Variants in STK32A observed in about 807,000 individuals in gnomAD.
The protein encoded by STK32A is serine/threonine kinase 32A, also known as serine/threonine-protein kinase 32A.
In STK32A, 41 loss-of-function variants were observed where a neutral mutation model predicts 53.2. That is an observed-to-expected ratio of 0.77 (90% CI 0.60 to 1.00). The LOEUF is 1.00. Ranked by LOEUF, STK32A falls within the 50% of genes least tolerant of loss-of-function variation. The pLI is 0.00. For missense variants in STK32A, 458 were observed against 485.8 expected (o/e 0.94, Z 0.54); for synonymous variants, 166 against 162.8 (o/e 1.02, Z -0.15).
At chr5:147,392,225 A>C (rs1251641244), downstream of STK32A, 1 of 152,206 alleles carries the variant, frequency 6.6e-6, no homozygotes, top group Non-Finnish European at 1.5e-5. Context: ...ATCTCCCTTA[A>C]AAGAAAAGCA....
At chr5:147,376,452 G>A (rs1035280351) in intron 11 of STK32A, among the ~76,000 whole-genome samples, 1 of 152,124 alleles carries the variant, frequency 6.6e-6, no homozygotes, top group South Asian at 2.1e-4. Context: ...GTGGATACAG[G>A]CCTCTCTGAT....
At chr5:147,249,997 G>A (rs1026428456) in intron 2 of STK32A, among the ~76,000 whole-genome samples, 17 of 151,124 alleles carry the variant, frequency 1.1e-4, no homozygotes, top group East Asian at 5.8e-4. Context: ...CAGTGCAGAC[G>A]GAAAGCTGAG....
chr5:147,331,697 A>AAT (rs1457016262), intron 5 of STK32A, among the ~76,000 whole-genome samples: 1 of 152,186 alleles, frequency 6.6e-6, no homozygotes, highest in Non-Finnish European at 1.5e-5. Flanking sequence ...TGTAGGCCCT[A>AAT]ATCCAGTATG....
At chr5:147,399,045 C>G in the STK32A span, 894 of 1,602,320 alleles carry the variant, frequency 5.6e-4, 6 homozygotes, top group East Asian at 6.5e-3. Flanking sequence ...TGCATGCATT[C>G]TCCATTCTAC....
chr5:147,397,997 A>G, the STK32A span: 3 of 728,026 alleles, frequency 4.1e-6, no homozygotes. Context: ...AGTGGGTAGA[A>G]GGCACCGGAG....
intron 2 of STK32A, chr5:147,240,073 A>G (rs1753502357): frequency 1.2e-5 from 2 of 163,794 alleles, no homozygotes; most frequent in African/African-American, 4.8e-5. Flanking sequence ...TCATAATATT[A>G]TAGAATGAAG....
chr5:147,238,512 G>A (rs1753419688), intron 1 of STK32A, among the ~76,000 whole-genome samples: 1 of 152,122 alleles, frequency 6.6e-6, no homozygotes, highest in South Asian at 2.1e-4. Context: ...GTTTTAAAGT[G>A]GAGCAAAGCC....
intron 4 of STK32A, among the ~76,000 whole-genome samples, chr5:147,290,410 G>A (rs1030911146): frequency 6.6e-6 from 1 of 152,096 alleles, no homozygotes; most frequent in Non-Finnish European, 1.5e-5. Context: ...GCCAGACAGG[G>A]CTGGCATCCA....
chr5:147,259,947 C>T (rs1581002111), intron 2 of STK32A, among the ~76,000 whole-genome samples: 1 of 144,596 alleles, frequency 6.9e-6, no homozygotes, highest in African/African-American at 2.6e-5. Context: ...GTCTCTCTCT[C>T]TCTCCTCTCT....
At chr5:147,313,957 G>T (rs1753830079) in intron 4 of STK32A, among the ~76,000 whole-genome samples, 1 of 151,964 alleles carries the variant, frequency 6.6e-6, no homozygotes, top group South Asian at 2.1e-4. Flanking sequence ...AGAACTTAAT[G>T]TATAAAATTC....
At chr5:147,401,681 C>T in the STK32A span, 2 of 1,614,002 alleles carry the variant, frequency 1.2e-6, no homozygotes, top group Non-Finnish European at 1.7e-6. Context: ...GATGGGCTCA[C>T]CAAAGACTAC....
chr5:147,246,647 T>A (rs1210056114), intron 2 of STK32A, among the ~76,000 whole-genome samples: 1 of 152,230 alleles, frequency 6.6e-6, no homozygotes, highest in Non-Finnish European at 1.5e-5. Flanking sequence ...GTTGGAAACA[T>A]CTTTCCATTT....
chr5:147,370,552 T>C (rs1355672862), intron 8 of STK32A, 102 bp from the exon 9 acceptor site: 5 of 683,510 alleles, frequency 7.3e-6, no homozygotes, highest in African/African-American at 5.4e-5. Flanking sequence ...GAAATTGATA[T>C]AGATATTTTA....
chr5:147,264,117 A>AT (rs1282584077), intron 2 of STK32A, among the ~76,000 whole-genome samples: 1 of 151,652 alleles, frequency 6.6e-6, no homozygotes, highest in South Asian at 2.1e-4. Flanking sequence ...CAATAAAAAT[A>AT]TTTTTCATGG....
At chr5:147,353,837 T>C (rs1382003824) in intron 7 of STK32A, among the ~76,000 whole-genome samples, 1 of 152,062 alleles carries the variant, frequency 6.6e-6, no homozygotes, top group Non-Finnish European at 1.5e-5. Flanking sequence ...TTAAAGCAGG[T>C]GATGTGGTGA....
At chr5:147,262,592 ACAAAACAAAAC>A (rs1754629614) in intron 2 of STK32A, among the ~76,000 whole-genome samples, 1 of 151,034 alleles carries the variant, frequency 6.6e-6, no homozygotes, top group Non-Finnish European at 1.5e-5. Context: ...TCAGGAAAAA[ACAAAACAAAAC>A]AAAAAAAAAC....
At chr5:147,376,257 A>G (rs1407868370) in intron 11 of STK32A, among the ~76,000 whole-genome samples, 1 of 152,144 alleles carries the variant, frequency 6.6e-6, no homozygotes, top group Non-Finnish European at 1.5e-5. Context: ...TTCTCGTCAG[A>G]TTCCCTTCAG....
chr5:147,261,911 T>A (rs199990843), intron 2 of STK32A, among the ~76,000 whole-genome samples: 1 of 152,274 alleles, frequency 6.6e-6, no homozygotes, highest in East Asian at 1.9e-4. Flanking sequence ...CTTCTGCTCA[T>A]CCTCAGCGAT....
intron 7 of STK32A, among the ~76,000 whole-genome samples, chr5:147,353,526 C>A (rs948161234): frequency 6.6e-6 from 1 of 152,174 alleles, no homozygotes; most frequent in Admixed American, 6.5e-5. Flanking sequence ...CTTTGGGAGA[C>A]CGAGGCAGGC....
Sources: gnomAD v4.1 joint callset for allele counts (sites outside exome capture counted in the v4.1 genomes callset) on GRCh38, gnomAD v4.1.1 for gene constraint, MANE v1.5 for transcripts, NCBI Gene and HGNC (gene_info 2026-07-23, HGNC 2026-07-21) for gene names.